Variants in ANKRD46 observed in about 807,000 individuals in gnomAD.
ANKRD46 encodes the protein ankyrin repeat domain-containing protein 46.
In ANKRD46, 13 loss-of-function variants were observed where a neutral mutation model predicts 19.8. The observed-to-expected ratio is 0.66, with a 90% CI of 0.43 to 1.04. The LOEUF (loss-of-function observed/expected upper bound fraction) is 1.04. Ranked by LOEUF, ANKRD46 falls within the 50% of genes least tolerant of loss-of-function variation. ANKRD46 has a pLI of 0.00. For synonymous variants in ANKRD46, 91 were observed against 106.9 expected, an observed-to-expected ratio of 0.85 and a Z score of 0.92; for missense variants, 185 against 274.8, an observed-to-expected ratio of 0.67 and a Z score of 2.31.
rs535575773 is a variant in ANKRD46 at position 100,523,952 on chromosome 8, A to C, written c.471-1181T>G. On this transcript the variant is annotated intron_variant, in intron 4 of 4. Coordinates refer to ENST00000335659, the MANE Select transcript of ANKRD46 (RefSeq NM_001270377.2). ...AGCCACCACAGCTGGCCTAGTCATT[A>C]GGAATTCTTAATAGTTTCTTCCTAT... is the stretch of plus-strand genomic sequence containing the variant. 1.4e-4 allele frequency among the ~76,000 whole-genome samples: 22 copies of C among 152,346 alleles called. 1 individual carries two copies. Among genetic ancestry groups the C allele is most frequent in the African/African-American group, 5.3e-4 (22 of 41,582 alleles).
chr8:100,556,221 A>G (rs1020353160), intron 1 of ANKRD46, among the ~76,000 whole-genome samples: 8 of 152,048 alleles, frequency 5.3e-5, no homozygotes, highest in African/African-American at 1.5e-4. Context: ...AGCTCTCCCT[A>G]TGTTGTCCAG....
intron 1 of ANKRD46, among the ~76,000 whole-genome samples, chr8:100,558,015 T>A (rs1042874232): frequency 2.0e-5 from 3 of 152,188 alleles, no homozygotes; most frequent in African/African-American, 7.2e-5. Context: ...GACAAGGACT[T>A]CATTTTGTTC....
At chr8:100,538,832 C>T (rs1812117413) in intron 1 of ANKRD46, among the ~76,000 whole-genome samples, 1 of 152,018 alleles carries the variant, frequency 6.6e-6, no homozygotes, top group South Asian at 2.1e-4. Flanking sequence ...TAGGAGAGTA[C>T]CACAGAGAGA....
intron 1 of ANKRD46, among the ~76,000 whole-genome samples, chr8:100,553,043 C>T (rs1812425560): frequency 6.6e-6 from 1 of 152,220 alleles, no homozygotes; most frequent in African/African-American, 2.4e-5. Flanking sequence ...ATTTAACTCT[C>T]TTTGAGAAGG....
intron 1 of ANKRD46, among the ~76,000 whole-genome samples, chr8:100,556,219 C>T (rs1011700788): frequency 1.3e-5 from 2 of 152,122 alleles, no homozygotes; most frequent in African/African-American, 4.8e-5. Context: ...TGAGCTCTCC[C>T]TATGTTGTCC....
At position 100,527,782 on chromosome 8, in the gene ANKRD46, T is replaced by C; in HGVS notation, c.470+63A>G. 1 of 1,509,294 alleles carries C rather than the reference T, an allele frequency of 6.6e-7. No homozygotes were observed. The highest frequency in any genetic ancestry group is 8.9e-7 in the Non-Finnish European group (1 of 1,123,970). 93.5% of individuals were successfully genotyped at this position (1,509,294 alleles called of 1,614,324 possible). ...CAGGAGGCTGAGGCAGGAAGAATGC[T>C]TGAGCCCAGGAGTTCAAGGAATGAG... On this transcript the variant is annotated intron_variant, in intron 4 of 4. Transcript: ENST00000335659. This position sits in a 1 kb window ranked among gnomAD's most constrained non-coding sequence, Gnocchi z 4.0.
intron 2 of ANKRD46, among the ~76,000 whole-genome samples, chr8:100,530,097 T>C (rs1811927619): frequency 6.6e-6 from 1 of 152,234 alleles, no homozygotes; most frequent in Non-Finnish European, 1.5e-5. Context: ...TCTATTTTGC[T>C]TTTCACCATG....
At position 100,550,136 on chromosome 8, in the gene ANKRD46, T is replaced by C. The variant is rs895561527; in HGVS notation, c.-131+9575A>G. Among the ~76,000 whole-genome samples, 1 of 152,252 alleles carries C rather than the reference T, an allele frequency of 6.6e-6. No homozygotes were observed. The highest frequency in any genetic ancestry group is 1.5e-5 in the Non-Finnish European group (1 of 68,044). On this transcript the variant is annotated intron_variant, in intron 1 of 4. Coordinates refer to ENST00000335659, the MANE Select transcript of ANKRD46 (RefSeq NM_001270377.2). The surrounding 1 kb of genome is among the most constrained non-coding windows in gnomAD (Gnocchi z 4.4). ...AATAAGGCTGACATGAACACCCACA[T>C]GCAGGTTTTTGTGTGGACAGTTTTT...
chr8:100,549,073 T>C (rs1319696340), intron 1 of ANKRD46, among the ~76,000 whole-genome samples: 1 of 151,720 alleles, frequency 6.6e-6, no homozygotes, highest in Non-Finnish European at 1.5e-5. Flanking sequence ...AATTTGGGTA[T>C]TTCACACTTA....
In ANKRD46 at chr8:100,510,631, T is replaced by G. The variant is rs1471963527; in HGVS notation, c.645A>C (p.Thr215=). 5 of 1,534,494 alleles carry G rather than the reference T, an allele frequency of 3.3e-6. No homozygotes were observed. Among genetic ancestry groups the G allele is most frequent in the Non-Finnish European group, 4.4e-6 (5 of 1,146,230 alleles). Reference sequence around the variant, plus strand: ...GCCTTGCAAAGCTTCCAAGCCTCAGTGTCCTTCTCTGTAAATGTGGGGAAG... The same window carrying G: ...GCCTTGCAAAGCTTCCAAGCCTCAGGGTCCTTCTCTGTAAATGTGGGGAAG... The change falls in exon 6 of 6, where the codon ACA becomes ACC. Residue 215 remains threonine (T), a synonymous_variant. Transcript: ENST00000520552. The surrounding 1 kb of genome is among the most constrained non-coding windows in gnomAD (Gnocchi z 4.9).
At position 100,522,342 on chromosome 8, in the gene ANKRD46, CAG is replaced by C; in HGVS notation, c.*211_*212del. The C allele has an allele frequency of 1.5e-6, 2 of 1,372,010 alleles. No individual in the cohort carries two copies. The highest frequency in any genetic ancestry group is 3.3e-5 in the South Asian group (2 of 59,854). The allele number at this position is 1,372,010 out of a possible 1,614,324, so 85.0% of individuals were successfully genotyped here. On this transcript the variant is annotated 3_prime_UTR_variant, in exon 5 of 5. Transcript: ENST00000335659. ...GCTTTCCTACAAAGTCAGGTTGAGT[CAG>C]AGGTAGCGTTAGGATGCAATATACT...
rs1311215007 is a variant in ANKRD46, at chr8:100,559,328, A to C, written c.-131+383T>G. The stretch of plus-strand genomic sequence containing the variant: ...GCGCTCCTGCAAGCACACGCCGCGA[A>C]AGCACCGTCTCGCCCCGGCCGAGCA... On this transcript the variant is annotated intron_variant, in intron 1 of 4. Transcript: ENST00000335659. This position sits in a 1 kb window ranked among gnomAD's most constrained non-coding sequence, Gnocchi z 6.0. 6.6e-6 allele frequency: 1 copy of C among 152,318 alleles called. No individual in the cohort carries two copies. Among genetic ancestry groups the C allele is most frequent in the Non-Finnish European group, 1.5e-5 (1 of 68,130 alleles). The allele number at this position is 152,318 out of a possible 1,614,324, so 9.4% of individuals were successfully genotyped here.
rs1199870548 is a variant in ANKRD46 at position 100,527,519 on chromosome 8, C to T, written c.470+326G>A. ...CTATTTCTCCTTTGTACTGTCAATA[C>T]AGCAGGTGGCTAACAGAACATTATG... is the stretch of plus-strand genomic sequence containing the variant. On this transcript the variant is annotated intron_variant, in intron 4 of 4. Transcript: ENST00000335659. This position sits in a 1 kb window ranked among gnomAD's most constrained non-coding sequence, Gnocchi z 4.0. Among the ~76,000 whole-genome samples the T allele has an allele frequency of 6.6e-5, 10 of 152,184 alleles. No individual in the cohort carries two copies. The highest frequency in any genetic ancestry group is 1.9e-4 in the East Asian group (1 of 5,200).
rs1224765409 is a variant in ANKRD46 at position 100,510,668 on chromosome 8, A to G, written c.637-29T>C. ...TAAATGTGGGGAAGACAGATTAAAA[A>G]AAAAAAAAAATCCCAGTTCTGTTAA... On this transcript the variant is annotated intron_variant, in intron 5 of 5. Coordinates refer to the ANKRD46 transcript ENST00000520552. The surrounding 1 kb of genome is among the most constrained non-coding windows in gnomAD (Gnocchi z 4.9). The G allele has an allele frequency of 3.3e-6, 5 of 1,518,834 alleles. No individual in the cohort carries two copies. The highest frequency in any genetic ancestry group is 4.9e-5 in the East Asian group (2 of 40,710). The allele number at this position is 1,518,834 out of a possible 1,614,324, so 94.1% of individuals were successfully genotyped here.
At chr8:100,515,668 G>C (rs551168040) in intron 5 of ANKRD46, among the ~76,000 whole-genome samples, 1 of 150,550 alleles carries the variant, frequency 6.6e-6, no homozygotes, top group South Asian at 2.1e-4. Flanking sequence ...GGGAGGGGGG[G>C]GGCGGTGATG....
At chr8:100,547,971 C>T (rs1249023860) in intron 1 of ANKRD46, among the ~76,000 whole-genome samples, 1 of 152,170 alleles carries the variant, frequency 6.6e-6, no homozygotes, top group Non-Finnish European at 1.5e-5. Flanking sequence ...CTATCATGTA[C>T]ATTTTTTCAT....
At chr8:100,540,434 A>G (rs1812154473) in intron 1 of ANKRD46, among the ~76,000 whole-genome samples, 1 of 152,232 alleles carries the variant, frequency 6.6e-6, no homozygotes, top group Admixed American at 6.5e-5. Flanking sequence ...ACTGTTTTTA[A>G]TCATCTCATA....
At chr8:100,523,163 A>T (rs1475900533) in intron 4 of ANKRD46, among the ~76,000 whole-genome samples, 3 of 150,134 alleles carry the variant, frequency 2.0e-5, no homozygotes, top group South Asian at 2.1e-4. Flanking sequence ...CACCATCTCT[A>T]TTTTTTTTTA....
chr8:100,527,976 A>G lies in ANKRD46; in HGVS notation c.339T>C (p.Val113=). ...ICNHQGATPL[V]LAKRRGVNKD... Reference sequence around the variant, plus strand: ...TATTTACTCCTCTGCGCTTTGCCAGAACTAAAGGGGTAGCACCTTGATGAT... The same window carrying G: ...TATTTACTCCTCTGCGCTTTGCCAGGACTAAAGGGGTAGCACCTTGATGAT... The change falls in exon 4 of 5, where the codon GTT becomes GTC. Residue 113 remains valine (V), a synonymous_variant. Coordinates refer to ENST00000335659, the MANE Select transcript of ANKRD46 (RefSeq NM_001270377.2). The surrounding 1 kb of genome is among the most constrained non-coding windows in gnomAD (Gnocchi z 4.0). 6.2e-7 allele frequency: 1 copy of G among 1,608,516 alleles called. No homozygotes were observed. The highest frequency in any genetic ancestry group is 8.5e-7 in the Non-Finnish European group (1 of 1,177,512).
Sources: allele counts gnomAD v4.1 joint callset (sites outside exome capture counted in the v4.1 genomes callset), GRCh38; gene constraint gnomAD v4.1.1; non-coding constraint Gnocchi (gnomAD v3.1); transcripts MANE v1.5; gene names NCBI Gene and HGNC (gene_info 2026-07-23, HGNC 2026-07-21).